Variants in ERI1 observed in about 807,000 individuals in gnomAD.
The protein encoded by ERI1 is 3'-5' exoribonuclease 1.
Under a neutral mutation model 39.7 loss-of-function variants are expected in ERI1, and 39 were observed. That is an observed-to-expected ratio of 0.98 (90% CI 0.76 to 1.28). The LOEUF is 1.28. ERI1 is among the 50% of genes most tolerant of loss of function. ERI1 has a pLI of 0.00. For synonymous variants in ERI1, 204 were observed against 149.6 expected (o/e 1.36, Z -2.65); for missense variants, 581 against 416.9 (o/e 1.39, Z -3.43).
rs1027891250 is a variant in ERI1 at position 9,032,717 on chromosome 8, T to G, written c.*2683T>G. 1.3e-5 allele frequency: 2 copies of G among 152,200 alleles called. No homozygotes were observed. The highest frequency in any genetic ancestry group is 4.8e-5 in the African/African-American group (2 of 41,454). The allele number at this position is 152,200 out of a possible 1,614,324, so 9.4% of individuals were successfully genotyped here. On this transcript the variant is annotated 3_prime_UTR_variant, in exon 7 of 7. Coordinates refer to ENST00000250263, the MANE Select transcript of ERI1 (RefSeq NM_153332.4). ...CCAAGTATTATCCCCAAAATGATAA[T>G]GCAAAACAGAATAATTTGGAGACCA...
chr8:9,076,230 C>T (rs1004032493), intron 3 of ERI1, among the ~76,000 whole-genome samples: 4 of 152,162 alleles, frequency 2.6e-5, no homozygotes, highest in African/African-American at 9.7e-5. Context: ...AGGTGTGAGC[C>T]ACTGTGCCCA....
chr8:9,041,968 G>A (rs996848950), intron 3 of ERI1, among the ~76,000 whole-genome samples: 1 of 152,042 alleles, frequency 6.6e-6, no homozygotes, highest in Admixed American at 6.6e-5. Flanking sequence ...TCCTGACCTT[G>A]GGTGATCCTC....
chr8:9,089,960 G>T (rs1216102731), intron 3 of ERI1, among the ~76,000 whole-genome samples: 1 of 152,128 alleles, frequency 6.6e-6, no homozygotes, highest in Non-Finnish European at 1.5e-5. Context: ...TGACTCGACC[G>T]TTGGCAAAGA....
chr8:9,081,896 C>T (rs540310067), intron 3 of ERI1, among the ~76,000 whole-genome samples: 9 of 152,276 alleles, frequency 5.9e-5, no homozygotes, highest in East Asian at 1.9e-4. Flanking sequence ...CTAGACTTCT[C>T]ATTAGCCTGC....
chr8:9,004,164 TG>T, intron 1 of ERI1: 1 of 1,289,120 alleles, frequency 7.8e-7, no homozygotes, highest in Non-Finnish European at 1.0e-6. Context: ...GCACTTCCTT[TG>T]GATCCTTGCA....
chr8:9,008,972 A>G (rs1445580419), intron 2 of ERI1: 5 of 456,092 alleles, frequency 1.1e-5, no homozygotes, highest in African/African-American at 4.0e-5. Flanking sequence ...TAGATTGTCT[A>G]CATCATAATG....
chr8:9,019,304 A>G lies in ERI1; in HGVS notation c.692+898A>G, dbSNP rs148507938. Among the ~76,000 whole-genome samples the G allele has an allele frequency of 1.5e-4, 23 of 152,340 alleles. No homozygotes were observed. In the East Asian group the frequency reaches 4.2e-3, roughly 28 times the overall value. Reference sequence around the variant, plus strand: ...CCTCTATACCTGAGATGTCACCAACATAGAGGGTTTGGAGATCCTCACATG... The same window carrying G: ...CCTCTATACCTGAGATGTCACCAACGTAGAGGGTTTGGAGATCCTCACATG... On this transcript the variant is annotated intron_variant, in intron 5 of 6. Coordinates refer to ENST00000250263, the MANE Select transcript of ERI1 (RefSeq NM_153332.4).
intron 3 of ERI1, among the ~76,000 whole-genome samples, chr8:9,059,231 T>G (rs1360684062): frequency 1.3e-5 from 2 of 152,172 alleles, no homozygotes; most frequent in African/African-American, 4.8e-5. Context: ...ATGTCATCAG[T>G]TAAGGCAGGA....
At position 9,031,399 on chromosome 8, in the gene ERI1, ATAAC is replaced by A. The variant is rs2117310997; in HGVS notation, c.*1366_*1369del. On this transcript the variant is annotated 3_prime_UTR_variant, in exon 7 of 7. Transcript: ENST00000250263. ...CAGTATCATAAAGAATAATGTGTAA[ATAAC>A]AGAAGGCATATGAGAGTGTGGTGTT... 6.6e-6 allele frequency: 1 copy of A among 152,318 alleles called. No homozygotes were observed. Among genetic ancestry groups the A allele is most frequent in the South Asian group, 2.1e-4 (1 of 4,828 alleles). The allele number at this position is 152,318 out of a possible 1,614,324, so 9.4% of individuals were successfully genotyped here. A position where few individuals can be genotyped will look rare whatever the true frequency, so the allele number is the denominator to read the frequency against.
intron 3 of ERI1, among the ~76,000 whole-genome samples, chr8:9,039,717 A>T (rs114051357): frequency 0.012 from 1,856 of 152,290 alleles, 39 homozygotes; most frequent in African/African-American, 0.043. Context: ...ATTAACTTTT[A>T]CTAGGATTAC....
At chr8:9,095,575 G>T (rs981471313) in intron 3 of ERI1, among the ~76,000 whole-genome samples, 2 of 151,982 alleles carry the variant, frequency 1.3e-5, no homozygotes, top group Non-Finnish European at 2.9e-5. Context: ...GCCTGATAAT[G>T]GTTTACTGCA....
chr8:9,061,026 A>C lies in ERI1; in HGVS notation n.299+40562A>C, dbSNP rs188891668. On this transcript the variant is annotated intron_variant and non_coding_transcript_variant, in intron 3 of 3. Coordinates refer to the ERI1 transcript ENST00000518663. ...AGAGTCAGTATAAATATTGACGCGT[A>C]GTCCTTTTGCAAGAGCGAGGGCTTG... Among the ~76,000 whole-genome samples the C allele has an allele frequency of 2.6e-5, 4 of 152,348 alleles. No homozygotes were observed. In the East Asian group the frequency reaches 7.7e-4, roughly 29 times the overall value.
downstream of ERI1, among the ~76,000 whole-genome samples, chr8:9,035,255 A>G (rs1797805544): frequency 6.6e-6 from 1 of 152,362 alleles, no homozygotes; most frequent in East Asian, 1.9e-4. Flanking sequence ...ACCATACAAC[A>G]GGTTTTCAAT....
Position 9,018,398 on chromosome 8 carries a change from A to T in ERI1, c.684A>T (p.Leu228Phe). ...ELGTKYKYSL[L>F]TDGSWDMSKF... ...GAACAAAGTATAAATACTCACTTTT[A>T]ACAGATGGGTAAGTATTTAGGAAGA... is the stretch of plus-strand genomic sequence containing the variant. Residue 228 changes from leucine (L) to phenylalanine (F), a missense_variant, in exon 5 of 7, where the codon TTA (leucine) becomes TTT (phenylalanine). By Grantham distance (22) the Leu-to-Phe change is conservative. Coordinates refer to ENST00000250263, the MANE Select transcript of ERI1 (RefSeq NM_153332.4). 6.5e-7 allele frequency: 1 copy of T among 1,534,662 alleles called. No individual in the cohort carries two copies. The highest frequency in any genetic ancestry group is 9.0e-7 in the Non-Finnish European group (1 of 1,109,508).
At chr8:9,084,685 A>G (rs924801703) in intron 3 of ERI1, among the ~76,000 whole-genome samples, 15 of 152,320 alleles carry the variant, frequency 9.8e-5, no homozygotes, top group Admixed American at 3.9e-4. Flanking sequence ...AAGATGACCC[A>G]GGAAAATATT....
rs1815573730 is a variant in ERI1 at position 9,003,297 on chromosome 8, T to G, written c.108+126T>G. The G allele has an allele frequency of 1.2e-5, 6 of 507,582 alleles. No homozygotes were observed. In the East Asian group the frequency reaches 2.1e-4, roughly 18 times the overall value. 31.4% of individuals were successfully genotyped at this position (507,582 alleles called of 1,614,324 possible). ...TGTGCGCCCTTGGACCCCAGCCTCT[T>G]CCTCGGTGCCCAGCTCCCTGGCTTT... On this transcript the variant is annotated intron_variant, in intron 1 of 6. Transcript: ENST00000250263.
At chr8:9,037,224 A>G (rs1797880507), downstream of ERI1, among the ~76,000 whole-genome samples, 1 of 152,152 alleles carries the variant, frequency 6.6e-6, no homozygotes, top group South Asian at 2.1e-4. Flanking sequence ...GCCAACTTTT[A>G]CAGTAACCAT....
intron 3 of ERI1, among the ~76,000 whole-genome samples, chr8:9,097,504 A>G (rs908682771): frequency 6.6e-6 from 1 of 152,130 alleles, no homozygotes. Flanking sequence ...ACCGGTCTCC[A>G]CTAAAAATAC....
At chr8:9,027,136 G>GGT (rs780775904) in intron 6 of ERI1, among the ~76,000 whole-genome samples, 5,393 of 137,506 alleles carry the variant, frequency 0.039, 278 homozygotes, top group African/African-American at 0.12. Context: ...GTTATTTTCT[G>GGT]GTGTGTGTGT....
Sources: allele counts gnomAD v4.1 joint callset (sites outside exome capture counted in the v4.1 genomes callset), GRCh38; gene constraint gnomAD v4.1.1; transcripts MANE v1.5; gene names NCBI Gene and HGNC (gene_info 2026-07-23, HGNC 2026-07-21).